RHBDF2: variants seen among roughly 807,000 people sequenced by gnomAD.
RHBDF2 encodes the protein rhomboid 5 homolog 2.
A neutral mutation model predicts 95.2 loss-of-function variants in RHBDF2; 38 were observed. The ratio of observed to expected loss-of-function variants is 0.40; its 90% CI spans 0.31 to 0.52. The LOEUF (loss-of-function observed/expected upper bound fraction) is 0.52, where lower values mean the gene tolerates loss of function less well. Among genes scored for constraint, RHBDF2 ranks in the 20% least tolerant of loss-of-function variants. The probability of loss-of-function intolerance (pLI) is 0.56; values close to 1 mark genes in which losing one functional copy is unlikely to be tolerated. For missense variants in RHBDF2, 863 were observed against 1,137.7 expected, an observed-to-expected ratio of 0.76 and a Z score of 3.47; for synonymous variants, 442 against 462.0, an observed-to-expected ratio of 0.96 and a Z score of 0.55.
Position 76,471,884 on chromosome 17 carries a change from T to C in RHBDF2, c.2233A>G (p.Ile745Val). ...LLPWIDNIAH[I>V]FGFLSGLLLA... ...AGCAGGCCACTGAGGAAGCCGAAGATGTGGGCGATGTTGTCGATCCAGGGC... is the reference window on the plus strand; with the variant it reads ...AGCAGGCCACTGAGGAAGCCGAAGACGTGGGCGATGTTGTCGATCCAGGGC... The change falls in exon 19 of 19, where the codon ATC becomes GTC. Residue 745 changes from isoleucine to valine, a missense_variant. Coordinates refer to ENST00000675367, the MANE Select transcript of RHBDF2 (RefSeq NM_001005498.4). 1 of 1,583,652 alleles carries C rather than the reference T, an allele frequency of 6.3e-7. No individual in the cohort carries two copies. Among genetic ancestry groups the C allele is most frequent in the Non-Finnish European group, 8.6e-7 (1 of 1,164,780 alleles).
At chr17:76,491,890 C>T (rs918197632) in intron 1 of RHBDF2, among the ~76,000 whole-genome samples, 1 of 152,216 alleles carries the variant, frequency 6.6e-6, no homozygotes, top group Non-Finnish European at 1.5e-5. Context: ...GGAGCTACCC[C>T]ACCCAGCACT....
chr17:76,474,327 C>T (rs1339679399), intron 12 of RHBDF2, 46 bp downstream of exon 12: 1 of 1,595,254 alleles, frequency 6.3e-7, no homozygotes, highest in East Asian at 2.2e-5. Flanking sequence ...TGGAGCTAGT[C>T]CGGGACCAGG....
chr17:76,471,624 G>A lies in RHBDF2; in HGVS notation c.*9C>T, dbSNP rs1453695939. 6.3e-7 allele frequency: 1 copy of A among 1,577,608 alleles called. No individual in the cohort carries two copies. The highest frequency in any genetic ancestry group is 8.6e-7 in the Non-Finnish European group (1 of 1,160,212). Reference sequence around the variant, plus strand: ...AGCAGGGCTGAGGGGCAGCCGTGTGGCCCAGCGGTCAGTGCAGCACCTGGT... The same window carrying A: ...AGCAGGGCTGAGGGGCAGCCGTGTGACCCAGCGGTCAGTGCAGCACCTGGT... On this transcript the variant is annotated 3_prime_UTR_variant, in exon 19 of 19. Transcript: ENST00000675367.
chr17:76,477,568 G>A (rs2073814249), intron 7 of RHBDF2, 89 bp downstream of exon 7: 1 of 1,418,154 alleles, frequency 7.1e-7, no homozygotes, highest in Middle Eastern at 1.8e-4. Context: ...GTCCCTCAGG[G>A]GTTCCTGAAT....
At chr17:76,483,858 T>C (rs2074043494) in intron 2 of RHBDF2, among the ~76,000 whole-genome samples, 1 of 152,208 alleles carries the variant, frequency 6.6e-6, no homozygotes, top group African/African-American at 2.4e-5. Context: ...CCTGTGCGTG[T>C]GCCACCAGTC....
At chr17:76,493,044 G>C (rs575854439) in intron 1 of RHBDF2, 1 of 152,334 alleles carries the variant, frequency 6.6e-6, no homozygotes, top group Non-Finnish European at 1.5e-5. Flanking sequence ...CCGGAGCCGC[G>C]GGTGGGCGAG....
chr17:76,474,513 C>T lies in RHBDF2; in HGVS notation c.1324G>A (p.Ala442Thr). Reference protein sequence around the residue: ...PSSIDLIHLGAKFSPCIRKDG... With the variant: ...PSSIDLIHLGTKFSPCIRKDG... ...TTCCGGATGCAGGGTGAGAACTTGG[C>T]CCCCAGGTGGATCAGGTCAATCTGG... is the stretch of plus-strand genomic sequence containing the variant. The change falls in exon 12 of 19, where the codon GCC becomes ACC. Residue 442 changes from alanine to threonine, a missense_variant. Transcript: ENST00000675367. The T allele has an allele frequency of 6.2e-7, 1 of 1,614,126 alleles. No homozygotes were observed. The highest frequency in any genetic ancestry group is 8.5e-7 in the Non-Finnish European group (1 of 1,180,022).
intron 3 of RHBDF2, 45 bp downstream of exon 3, chr17:76,481,322 GGTACATCT>G: frequency 6.4e-7 from 1 of 1,560,644 alleles, no homozygotes; most frequent in South Asian, 1.1e-5. Context: ...GTGTCACGTG[GGTACATCT>G]GTTACCTACG....
intron 1 of RHBDF2, among the ~76,000 whole-genome samples, chr17:76,492,807 G>A (rs1431685422): frequency 6.6e-6 from 1 of 152,242 alleles, no homozygotes; most frequent in Non-Finnish European, 1.5e-5. Flanking sequence ...AACAGGCAGA[G>A]GCTTGATGCA....
intron 1 of RHBDF2, among the ~76,000 whole-genome samples, chr17:76,496,679 G>A (rs1390732722): frequency 6.6e-6 from 1 of 152,220 alleles, no homozygotes; most frequent in Non-Finnish European, 1.5e-5. Context: ...AAGGTCAAAA[G>A]GGGCTTAGGC....
chr17:76,471,630 C>A lies in RHBDF2; in HGVS notation c.*3G>T. The A allele has an allele frequency of 6.3e-7, 1 of 1,580,764 alleles. No individual in the cohort carries two copies. The highest frequency in any genetic ancestry group is 8.6e-7 in the Non-Finnish European group (1 of 1,161,672). On this transcript the variant is annotated 3_prime_UTR_variant, in exon 19 of 19. Transcript: ENST00000675367. ...GCTGAGGGGCAGCCGTGTGGCCCAG[C>A]GGTCAGTGCAGCACCTGGTCCAGCT...
intron 7 of RHBDF2, 53 bp downstream of exon 7, chr17:76,477,604 C>A: frequency 6.3e-7 from 1 of 1,589,968 alleles, no homozygotes. Flanking sequence ...GTCACCTCAC[C>A]CAGCTCCCAG....
At position 76,473,659 on chromosome 17, in the gene RHBDF2, G is replaced by A; in HGVS notation, c.1722C>T (p.Gly574=). The part of the protein sequence containing the change: ...CEIKGRPCCI[G]TKGSCEITTR... ...CCCAGGTCGCTCACCTGCCCTTGGTGCCGATGCAGCAGGGGCGGCCCTTGA... is the reference window on the plus strand; with the variant it reads ...CCCAGGTCGCTCACCTGCCCTTGGTACCGATGCAGCAGGGGCGGCCCTTGA... Residue 574 remains glycine (G), a synonymous_variant, in exon 15 of 19, where the codon GGC becomes GGT. Transcript: ENST00000675367. 2 of 1,608,744 alleles carry A rather than the reference G, an allele frequency of 1.2e-6. No homozygotes were observed. Among genetic ancestry groups the A allele is most frequent in the Non-Finnish European group, 8.5e-7 (1 of 1,178,120 alleles).
At position 76,477,179 on chromosome 17, in the gene RHBDF2, C is replaced by A. The variant is rs748625200; in HGVS notation, c.920+1G>T. On this transcript the variant is annotated splice_donor_variant, in intron 8 of 18. Transcript: ENST00000675367. LOFTEE classifies it high-confidence loss of function. ...AGGAGGGACTCTGCCCCAGCACTCA[C>A]AGAGGGATTTGCACCCCATCGGGGG... 1 of 1,612,034 alleles carries A rather than the reference C, an allele frequency of 6.2e-7. No homozygotes were observed.
rs1201950021 is a variant in RHBDF2, at chr17:76,474,860, G to C, written c.1228-56C>G. ...CAGAACAGTGTGGGCCCTGGGCATGGGGAGCTGGGGCAGCTGTCCCCAGGA... is the reference window on the plus strand; with the variant it reads ...CAGAACAGTGTGGGCCCTGGGCATGCGGAGCTGGGGCAGCTGTCCCCAGGA... On this transcript the variant is annotated intron_variant, in intron 10 of 18. Coordinates refer to ENST00000675367, the MANE Select transcript of RHBDF2 (RefSeq NM_001005498.4). 3.8e-6 allele frequency: 6 copies of C among 1,588,816 alleles called. No individual in the cohort carries two copies. In the East Asian group the frequency reaches 1.1e-4, roughly 30 times the overall value.
intron 1 of RHBDF2, among the ~76,000 whole-genome samples, chr17:76,490,924 T>A (rs979765910): frequency 2.0e-5 from 3 of 152,076 alleles, no homozygotes; most frequent in African/African-American, 7.2e-5. Context: ...AGGAGTCCCC[T>A]ACCCAACCCC....
intron 16 of RHBDF2, 60 bp downstream of exon 16, chr17:76,473,192 C>T: frequency 2.5e-6 from 4 of 1,592,282 alleles, no homozygotes; most frequent in Non-Finnish European, 3.4e-6. Context: ...AGCCCCGGCC[C>T]CAGCAGGCTG....
In RHBDF2 at chr17:76,473,168, G is replaced by A. The variant is rs76281548; in HGVS notation, c.1810-63C>T. 2.2e-3 allele frequency: 3,437 copies of A among 1,585,048 alleles called. 73 individuals carry two copies. In the African/African-American group the frequency reaches 0.04, roughly 18 times the overall value. On this transcript the variant is annotated intron_variant, in intron 16 of 18. Coordinates refer to ENST00000675367, the MANE Select transcript of RHBDF2 (RefSeq NM_001005498.4). ...AGGCTGAGTCTGAGGCTCCGACATG[G>A]GAGGGAGTGCGTGAGCCCCGGCCCC...
rs1390105538 is a variant in RHBDF2 at position 76,498,866 on chromosome 17, C to CTGTG, written c.-220+2486_-220+2487insCACA. On this transcript the variant is annotated intron_variant, in intron 1 of 18. Transcript: ENST00000675367. Reference sequence around the variant, plus strand: ...TGTGTTTGTGTGTGTCTCTGTGTGTCTGTTTGTGTGTGTCTGTGTGTGTGT... The same window carrying CTGTG: ...TGTGTTTGTGTGTGTCTCTGTGTGTCTGTGTGTTTGTGTGTGTCTGTGTGTGTGT... Among the ~76,000 whole-genome samples the CTGTG allele has an allele frequency of 3.9e-3, 495 of 128,528 alleles. 3 individuals carry two copies. The highest frequency in any genetic ancestry group is 0.012 in the African/African-American group (458 of 37,122). The allele number at this position is 128,528 out of a possible 152,430, so 84.3% of individuals were successfully genotyped here. A position where few individuals can be genotyped will look rare whatever the true frequency, so the allele number is the denominator to read the frequency against.
Sources: allele counts gnomAD v4.1 joint callset (sites outside exome capture counted in the v4.1 genomes callset), GRCh38; gene constraint gnomAD v4.1.1; transcripts MANE v1.5; gene names NCBI Gene and HGNC (gene_info 2026-07-23, HGNC 2026-07-21).